Variants in PRKN observed in about 807,000 individuals in gnomAD.
The protein encoded by PRKN is parkin RBR E3 ubiquitin protein ligase.
PRKN carries 56 observed loss-of-function variants against 59.5 expected under a neutral mutation model. That is an observed-to-expected ratio of 0.94 (90% CI 0.76 to 1.18). PRKN has a LOEUF of 1.18. PRKN is among the 50% of genes most tolerant of loss of function. PRKN has a pLI of 0.00. For synonymous variants in PRKN, 250 were observed against 222.1 expected (o/e 1.13, Z -1.12); for missense variants, 657 against 596.4 (o/e 1.10, Z -1.06).
intron 7 of PRKN, among the ~76,000 whole-genome samples, chr6:161,735,345 A>C (rs1346554107): frequency 6.6e-6 from 1 of 152,050 alleles, no homozygotes; most frequent in Non-Finnish European, 1.5e-5. Context: ...ATGATGATCC[A>C]CTTCCACTTA....
intron 1 of PRKN, among the ~76,000 whole-genome samples, chr6:162,600,422 G>A (rs1781659948): frequency 6.6e-6 from 1 of 152,178 alleles, no homozygotes; most frequent in Non-Finnish European, 1.5e-5. Flanking sequence ...TATGAATAAA[G>A]AAGATGTGAA....
intron 2 of PRKN, among the ~76,000 whole-genome samples, chr6:162,321,107 A>G (rs546890176): frequency 1.3e-5 from 2 of 152,044 alleles, no homozygotes; most frequent in East Asian, 1.9e-4. Flanking sequence ...TTGTTGATCA[A>G]TAAAAATTAT....
At chr6:162,040,607 G>A (rs1433711007) in intron 5 of PRKN, among the ~76,000 whole-genome samples, 1 of 138,862 alleles carries the variant, frequency 7.2e-6, no homozygotes, top group Non-Finnish European at 1.5e-5. Context: ...TTTTTGTAGA[G>A]ACGGGGTTTC....
chr6:162,068,393 C>A (rs1250343985), intron 4 of PRKN, among the ~76,000 whole-genome samples: 2 of 152,190 alleles, frequency 1.3e-5, no homozygotes, highest in African/African-American at 4.8e-5. Flanking sequence ...CTTTTATGAT[C>A]TCACAGTTTC....
At chr6:162,086,101 G>A (rs1256625445) in intron 4 of PRKN, among the ~76,000 whole-genome samples, 2 of 152,058 alleles carry the variant, frequency 1.3e-5, no homozygotes, top group African/African-American at 4.8e-5. Flanking sequence ...CACAATTAAT[G>A]TACTAATGCC....
chr6:161,712,890 A>C (rs143032454), intron 7 of PRKN, among the ~76,000 whole-genome samples: 1 of 152,116 alleles, frequency 6.6e-6, no homozygotes, highest in Non-Finnish European at 1.5e-5. Context: ...CTTGCCACAT[A>C]TACCAAGCAG....
chr6:161,822,818 T>C (rs1792087510), intron 6 of PRKN, among the ~76,000 whole-genome samples: 1 of 152,250 alleles, frequency 6.6e-6, no homozygotes, highest in African/African-American at 2.4e-5. Flanking sequence ...TTTGTCTTGT[T>C]AAAAACCCTT....
intron 10 of PRKN, among the ~76,000 whole-genome samples, chr6:161,368,259 C>T (rs58008687): frequency 0.083 from 8,292 of 100,348 alleles, 817 homozygotes; most frequent in African/African-American, 0.27. Context: ...ACTAAAAATA[C>T]ATATAATATT....
At chr6:162,257,477 C>T (rs1454488655) in intron 3 of PRKN, among the ~76,000 whole-genome samples, 1 of 152,098 alleles carries the variant, frequency 6.6e-6, no homozygotes, top group East Asian at 1.9e-4. Context: ...TTTCCTTTCA[C>T]CTGATAGCTA....
In PRKN at chr6:162,201,112, T is replaced by G; in HGVS notation, c.534+19A>C. On this transcript the variant is annotated intron_variant, in intron 4 of 11. Coordinates refer to ENST00000366898, the MANE Select transcript of PRKN (RefSeq NM_004562.3). ...ATTCATTTTCCTGGCAGTCTCATGC[T>G]GACACTGCATTTCCTTACCTGGGTC... is the stretch of plus-strand genomic sequence containing the variant. 1 of 1,613,890 alleles carries G rather than the reference T, an allele frequency of 6.2e-7. No individual in the cohort carries two copies. Among genetic ancestry groups the G allele is most frequent in the Non-Finnish European group, 8.5e-7 (1 of 1,179,752 alleles).
At chr6:162,637,664 C>G (rs1777781808) in intron 1 of PRKN, among the ~76,000 whole-genome samples, 1 of 151,732 alleles carries the variant, frequency 6.6e-6, no homozygotes, top group South Asian at 2.1e-4. Flanking sequence ...CCTATTAACT[C>G]TGACTATCAT....
At chr6:161,382,714 G>A in intron 10 of PRKN, among the ~76,000 whole-genome samples, 1 of 152,234 alleles carries the variant, frequency 6.6e-6, no homozygotes, top group South Asian at 2.1e-4. Context: ...CAAACTCCCA[G>A]CAGTTTCAAC....
chr6:161,993,875 G>T (rs563631411), intron 5 of PRKN, among the ~76,000 whole-genome samples: 13 of 152,258 alleles, frequency 8.5e-5, no homozygotes, highest in African/African-American at 3.1e-4. Context: ...CATGACAGAA[G>T]GCAAGAGAGC....
At chr6:162,356,673 G>A (rs6940443) in intron 2 of PRKN, among the ~76,000 whole-genome samples, 39,002 of 146,726 alleles carry the variant, frequency 0.27, 5,662 homozygotes, top group African/African-American at 0.38. Flanking sequence ...AACACTGAAG[G>A]AGAACAAATA....
intron 6 of PRKN, among the ~76,000 whole-genome samples, chr6:161,960,601 C>T (rs532479480): frequency 1.3e-5 from 2 of 152,148 alleles, no homozygotes; most frequent in South Asian, 2.1e-4. Context: ...CTTCACCAGA[C>T]GAGGCCATTT....
intron 3 of PRKN, among the ~76,000 whole-genome samples, chr6:162,260,992 G>A (rs1214210835): frequency 6.6e-6 from 1 of 152,082 alleles, no homozygotes; most frequent in Non-Finnish European, 1.5e-5. Flanking sequence ...CTGTTGATGG[G>A]GAGGGACAAC....
At chr6:162,701,474 CAAA>C (rs1028742457) in intron 1 of PRKN, among the ~76,000 whole-genome samples, 1 of 139,308 alleles carries the variant, frequency 7.2e-6, no homozygotes. Context: ...AGATGCATTG[CAAA>C]AAAAAAAAAT....
intron 4 of PRKN, among the ~76,000 whole-genome samples, chr6:162,159,118 G>C (rs769007209): frequency 1.3e-5 from 2 of 151,968 alleles, no homozygotes; most frequent in African/African-American, 4.8e-5. Flanking sequence ...AAAAACACCA[G>C]GTGATTTGCT....
chr6:161,668,902 C>T (rs1784814846), intron 7 of PRKN, among the ~76,000 whole-genome samples: 2 of 152,124 alleles, frequency 1.3e-5, no homozygotes, highest in South Asian at 2.1e-4. Flanking sequence ...TTCTTCTACC[C>T]CACTGTGACT....
Sources: gnomAD v4.1 joint callset for allele counts (sites outside exome capture counted in the v4.1 genomes callset) on GRCh38, gnomAD v4.1.1 for gene constraint, MANE v1.5 for transcripts, NCBI Gene and HGNC (gene_info 2026-07-23, HGNC 2026-07-21) for gene names.